The following GRM5 variants were observed in gnomAD, a reference collection of about 807,000 sequenced individuals.
The protein encoded by GRM5 is metabotropic glutamate receptor 5.
Under a neutral mutation model 83.1 loss-of-function variants are expected in GRM5, and 19 were observed. That is an observed-to-expected ratio of 0.23 (90% confidence interval 0.16 to 0.34). The LOEUF (loss-of-function observed/expected upper bound fraction) is 0.34, where lower values mean the gene tolerates loss of function less well. Among genes scored for constraint, GRM5 ranks in the 10% least tolerant of loss-of-function variants. GRM5 has a pLI of 1.00. For synonymous variants in GRM5, 675 were observed against 633.6 expected, an observed-to-expected ratio of 1.07 and a Z score of -0.98; for missense variants, 1,160 against 1,588.3, an observed-to-expected ratio of 0.73 and a Z score of 4.58.
Position 88,901,835 on chromosome 11 carries a change from T to C in GRM5, c.662-51680A>G, listed in dbSNP as rs562609440. 2.6e-5 allele frequency among the ~76,000 whole-genome samples: 4 copies of C among 152,334 alleles called. No individual in the cohort carries two copies. In the South Asian group the frequency reaches 6.2e-4, roughly 24 times the overall value. ...TTACTTAACATTTTTGACGATACCT[T>C]TTCCGAATGCATCTCAAACTTAGGG... is the stretch of plus-strand genomic sequence containing the variant. On this transcript the variant is annotated intron_variant, in intron 2 of 9. Transcript: ENST00000305447.
chr11:88,509,636 A>G, intron 9 of GRM5, 132 bp from the exon 10 acceptor site: 1 of 637,266 alleles, frequency 1.6e-6, no homozygotes, highest in South Asian at 1.9e-5. Flanking sequence ...GAAACACAGC[A>G]TCAAAAGGAC....
intron 4 of GRM5, among the ~76,000 whole-genome samples, chr11:88,635,077 T>C (rs1565164033): frequency 6.6e-6 from 1 of 152,232 alleles, no homozygotes; most frequent in Non-Finnish European, 1.5e-5. Flanking sequence ...AGCTTATCCT[T>C]TGGCATTTAG....
At chr11:88,886,708 A>G (rs1945049478) in intron 2 of GRM5, among the ~76,000 whole-genome samples, 1 of 152,122 alleles carries the variant, frequency 6.6e-6, no homozygotes, top group Admixed American at 6.6e-5. Context: ...CCCTGATGAG[A>G]TGTCGGCAAC....
chr11:88,539,987 G>T (rs920870336), intron 8 of GRM5, among the ~76,000 whole-genome samples: 1 of 152,122 alleles, frequency 6.6e-6, no homozygotes, highest in African/African-American at 2.4e-5. Context: ...GGCTACCTGG[G>T]CACGTCTGTT....
chr11:88,749,037 TCTC>T (rs1942205333), intron 3 of GRM5, among the ~76,000 whole-genome samples: 1 of 152,030 alleles, frequency 6.6e-6, no homozygotes, highest in African/African-American at 2.4e-5. Flanking sequence ...AAGTACCTCT[TCTC>T]CTCTAAATGA....
At chr11:88,780,798 G>A (rs770618631) in intron 3 of GRM5, among the ~76,000 whole-genome samples, 16 of 151,956 alleles carry the variant, frequency 1.1e-4, no homozygotes, top group African/African-American at 2.9e-4. Flanking sequence ...TTACAGTCAC[G>A]AGCCACCATG....
intron 2 of GRM5, among the ~76,000 whole-genome samples, chr11:88,914,964 G>A (rs1945564527): frequency 6.6e-6 from 1 of 152,016 alleles, no homozygotes; most frequent in Admixed American, 6.6e-5. Flanking sequence ...CAATATTCAG[G>A]TATGGGTAAG....
chr11:88,767,719 T>C (rs911254931), intron 3 of GRM5, among the ~76,000 whole-genome samples: 20 of 151,732 alleles, frequency 1.3e-4, no homozygotes, highest in South Asian at 2.1e-4. Context: ...TAAATACCTA[T>C]TGGATCCTAT....
chr11:89,054,408 A>G (rs1941827945), intron 1 of GRM5, among the ~76,000 whole-genome samples: 1 of 152,224 alleles, frequency 6.6e-6, no homozygotes, highest in South Asian at 2.1e-4. Flanking sequence ...ACAAAACAAC[A>G]TAAGTTCAAT....
intron 3 of GRM5, among the ~76,000 whole-genome samples, chr11:88,818,617 G>A (rs1404626643): frequency 6.6e-6 from 1 of 152,000 alleles, no homozygotes; most frequent in Non-Finnish European, 1.5e-5. Context: ...AGTGATAGTA[G>A]ACCAATATAT....
At chr11:88,515,129 G>A (rs1423458562) in intron 9 of GRM5, among the ~76,000 whole-genome samples, 4 of 152,040 alleles carry the variant, frequency 2.6e-5, no homozygotes, top group East Asian at 1.9e-4. Context: ...AGTGCTTAAT[G>A]GTACTAGTAC....
chr11:88,583,970 C>T (rs2135197715), intron 7 of GRM5, among the ~76,000 whole-genome samples: 2 of 152,266 alleles, frequency 1.3e-5, no homozygotes, highest in Middle Eastern at 6.8e-3. Flanking sequence ...ACCCAAACCA[C>T]TGGTAGATTC....
intron 4 of GRM5, among the ~76,000 whole-genome samples, chr11:88,615,940 C>A (rs1938467288): frequency 6.6e-6 from 1 of 151,988 alleles, no homozygotes; most frequent in South Asian, 2.1e-4. Context: ...GAATGCCTCT[C>A]AACTATTAAG....
intron 2 of GRM5, among the ~76,000 whole-genome samples, chr11:88,912,843 T>G (rs935804981): frequency 1.3e-5 from 2 of 152,158 alleles, no homozygotes; most frequent in African/African-American, 4.8e-5. Context: ...CACAGACTAT[T>G]CTTTACCTAT....
chr11:89,008,933 G>A (rs980772344), intron 2 of GRM5: 6 of 536,264 alleles, frequency 1.1e-5, no homozygotes, highest in Non-Finnish European at 2.1e-5. Flanking sequence ...CTTAATTAAG[G>A]GCATTTTAGC....
In GRM5 at chr11:88,614,735, C is replaced by T. The variant is rs2220674; in HGVS notation, c.1148-9771G>A. 3.3e-3 allele frequency among the ~76,000 whole-genome samples: 507 copies of T among 152,084 alleles called. 2 individuals are homozygous for T. Among genetic ancestry groups the T allele is most frequent in the African/African-American group, 0.011 (468 of 41,490 alleles). On this transcript the variant is annotated intron_variant, in intron 4 of 9. Coordinates refer to ENST00000305447, the MANE Select transcript of GRM5 (RefSeq NM_001143831.3). The stretch of plus-strand genomic sequence containing the variant: ...TGTGCCTAAGCACTACAAGATAGAC[C>T]TGCACAGCAGAAACTATCCACACTG...
At chr11:89,059,252 T>C (rs894947098) in intron 1 of GRM5, among the ~76,000 whole-genome samples, 23 of 152,170 alleles carry the variant, frequency 1.5e-4, no homozygotes, top group Non-Finnish European at 3.1e-4. Flanking sequence ...AATATATATT[T>C]TGCATCTAAG....
Position 88,838,868 on chromosome 11 carries a change from TACACACACACACACACACACAC to T in GRM5, c.911+11016_911+11037del, listed in dbSNP as rs59388840. On this transcript the variant is annotated intron_variant, in intron 3 of 9. Coordinates refer to ENST00000305447, the MANE Select transcript of GRM5 (RefSeq NM_001143831.3). Reference sequence around the variant, plus strand: ...CAACCCACTGCCACACCCCTTATGCTACACACACACACACACACACACACACACACACACACATACACACACA... The same window carrying T: ...CAACCCACTGCCACACCCCTTATGCTACACACACACACACATACACACACA... Among the ~76,000 whole-genome samples the T allele has an allele frequency of 4.0e-4, 58 of 144,844 alleles. No homozygotes were observed. In the East Asian group the frequency reaches 0.011, roughly 28 times the overall value.
intron 9 of GRM5, among the ~76,000 whole-genome samples, chr11:88,521,507 AT>A (rs1279018169): frequency 1.3e-5 from 2 of 152,184 alleles, no homozygotes; most frequent in Admixed American, 6.5e-5. Flanking sequence ...GGTTTCAGTC[AT>A]TCAGTCATTC....
Sources: allele counts gnomAD v4.1 joint callset (sites outside exome capture counted in the v4.1 genomes callset), GRCh38; gene constraint gnomAD v4.1.1; transcripts MANE v1.5; gene names NCBI Gene and HGNC (gene_info 2026-07-23, HGNC 2026-07-21).